Variants in CLIP1 observed in about 807,000 individuals in gnomAD.
The protein encoded by CLIP1 is CAP-Gly domain containing linker protein 1, also known as CAP-Gly domain-containing linker protein 1.
Under a neutral mutation model 161.6 loss-of-function variants are expected in CLIP1, and 66 were observed. That is an observed-to-expected ratio of 0.41 (90% CI 0.33 to 0.50). The LOEUF (loss-of-function observed/expected upper bound fraction) is 0.50. Ranked by LOEUF, CLIP1 falls within the 20% of genes least tolerant of loss-of-function variation. The pLI, the probability that CLIP1 is intolerant of heterozygous loss-of-function variation, is 0.27. For missense variants in CLIP1, 1,376 were observed against 1,702.0 expected (o/e 0.81, Z 3.37); for synonymous variants, 598 against 626.2 (o/e 0.96, Z 0.67).
At chr12:122,380,617 G>A (rs931316560) in intron 1 of CLIP1, 59 bp from the exon 2 acceptor site, 19 of 462,718 alleles carry the variant, frequency 4.1e-5, no homozygotes, top group Non-Finnish European at 6.5e-5. Flanking sequence ...AGGAACAACA[G>A]GTAGCTTTCA....
chr12:122,341,359 C>T lies in CLIP1; in HGVS notation c.1845G>A (p.Glu615=). 6.2e-7 allele frequency: 1 copy of T among 1,614,110 alleles called. No individual in the cohort carries two copies. Among genetic ancestry groups the T allele is most frequent in the Non-Finnish European group, 8.5e-7 (1 of 1,180,036 alleles). Residue 615 remains glutamate, a synonymous_variant, in exon 11 of 26, where the codon GAG becomes GAA. Transcript: ENST00000620786. ...TCCATAGAGCTATCACATCTGAGTTCTCTTTGTTGGCATGCTCCAGCTTGC... is the reference window on the plus strand; with the variant it reads ...TCCATAGAGCTATCACATCTGAGTTTTCTTTGTTGGCATGCTCCAGCTTGC... ...LKSKLEHANK[E]NSDVIALWKS...
chr12:122,335,680 G>A (rs1476404105), intron 12 of CLIP1, among the ~76,000 whole-genome samples: 2 of 151,850 alleles, frequency 1.3e-5, no homozygotes, highest in South Asian at 2.1e-4. Flanking sequence ...GGTAACAGGC[G>A]CCTGTAATCC....
At chr12:122,414,650 G>A (rs1275169013) in intron 1 of CLIP1, among the ~76,000 whole-genome samples, 1 of 151,906 alleles carries the variant, frequency 6.6e-6, no homozygotes, top group Admixed American at 6.6e-5. Flanking sequence ...ATTTTTAGAA[G>A]AGACGGGGTT....
rs147599536 is a variant in CLIP1, at chr12:122,374,717, G to A, written c.657+2672C>T. Among the ~76,000 whole-genome samples, 517 of 152,122 alleles carry A rather than the reference G, an allele frequency of 3.4e-3. 4 individuals carry two copies. Among genetic ancestry groups the A allele is most frequent in the African/African-American group, 0.012 (489 of 41,502 alleles). ...GCGGAGGTTACAGTGAGCCAAGATC[G>A]CGCCACTGCACTCTAGCCTGGGCAA... is the stretch of plus-strand genomic sequence containing the variant. On this transcript the variant is annotated intron_variant, in intron 3 of 25. Coordinates refer to ENST00000620786, the MANE Select transcript of CLIP1 (RefSeq NM_001247997.2).
chr12:122,327,124 A>G (rs1951737920), intron 17 of CLIP1, among the ~76,000 whole-genome samples: 1 of 152,134 alleles, frequency 6.6e-6, no homozygotes, highest in Non-Finnish European at 1.5e-5. Context: ...GGCAAGGTTG[A>G]ACTTCGTGAA....
intron 20 of CLIP1, among the ~76,000 whole-genome samples, chr12:122,298,888 G>C (rs1024971760): frequency 6.6e-5 from 10 of 151,934 alleles, no homozygotes; most frequent in African/African-American, 2.4e-4. Flanking sequence ...CCAGGAGACG[G>C]AGGTTGCAAT....
intron 1 of CLIP1, among the ~76,000 whole-genome samples, chr12:122,418,372 TAAAC>T (rs1372225551): frequency 2.0e-5 from 3 of 152,302 alleles, no homozygotes; most frequent in African/African-American, 7.2e-5. Context: ...TTTGCCATAA[TAAAC>T]AACACTGTCT....
intron 3 of CLIP1, among the ~76,000 whole-genome samples, chr12:122,368,126 C>T (rs566148194): frequency 1.3e-5 from 2 of 152,010 alleles, no homozygotes; most frequent in East Asian, 1.9e-4. Flanking sequence ...AAACTAGAAA[C>T]GCAAAAAAAA....
At chr12:122,319,147 C>T in intron 18 of CLIP1, 85 bp downstream of exon 18, 1 of 914,036 alleles carries the variant, frequency 1.1e-6, no homozygotes, top group Non-Finnish European at 1.8e-6. Context: ...ACTTCAAAAA[C>T]ATAAGCAATC....
At chr12:122,384,626 TGGCG>T (rs1955155202) in intron 1 of CLIP1, among the ~76,000 whole-genome samples, 1 of 151,920 alleles carries the variant, frequency 6.6e-6, no homozygotes, top group African/African-American at 2.4e-5. Flanking sequence ...CCGGGCATGG[TGGCG>T]GGCGCTTGTA....
intron 9 of CLIP1, 104 bp from the exon 10 acceptor site, chr12:122,347,583 G>C: frequency 1.2e-6 from 1 of 816,254 alleles, no homozygotes; most frequent in Non-Finnish European, 2.1e-6. Flanking sequence ...AGTACCTTCT[G>C]CCAAAGGGTG....
intron 20 of CLIP1, among the ~76,000 whole-genome samples, chr12:122,292,094 C>A (rs1218284343): frequency 1.3e-5 from 2 of 152,056 alleles, no homozygotes; most frequent in East Asian, 3.9e-4. Context: ...CAGGTTCAAG[C>A]AATTCTCGTG....
chr12:122,405,074 C>A (rs1354653076), intron 1 of CLIP1, among the ~76,000 whole-genome samples: 1 of 152,174 alleles, frequency 6.6e-6, no homozygotes, highest in East Asian at 1.9e-4. Context: ...TTCAAAAACA[C>A]ATGCCTTTCA....
intron 5 of CLIP1, chr12:122,356,108 T>TA (rs1953335829): frequency 6.6e-6 from 1 of 152,246 alleles, no homozygotes; most frequent in African/African-American, 2.4e-5. Context: ...TGAAATTACT[T>TA]AAACATACCA....
At chr12:122,300,283 A>C (rs1950633033) in intron 20 of CLIP1, among the ~76,000 whole-genome samples, 1 of 152,190 alleles carries the variant, frequency 6.6e-6, no homozygotes. Context: ...TAAAAGAAAA[A>C]AAAGACCATA....
At position 122,306,052 on chromosome 12, in the gene CLIP1, T is replaced by TA. The variant is rs544566972; in HGVS notation, c.3594+3709dup. Among the ~76,000 whole-genome samples the TA allele has an allele frequency of 2.1e-3, 265 of 127,706 alleles. 1 individual carries two copies. The highest frequency in any genetic ancestry group is 2.5e-3 in the South Asian group (10 of 4,016). The allele number at this position is 127,706 out of a possible 152,430, so 83.8% of individuals were successfully genotyped here. ...TTGGACTACAGAGTGAGACTCCATC[T>TA]AAAAAAAAAAAAAAAGCAAGCAGAA... On this transcript the variant is annotated intron_variant, in intron 20 of 25. Transcript: ENST00000620786.
chr12:122,279,052 G>C lies in CLIP1; in HGVS notation c.3741C>G (p.Ala1247=), dbSNP rs763164967. The C allele has an allele frequency of 6.2e-7, 1 of 1,612,484 alleles. No homozygotes were observed. The highest frequency in any genetic ancestry group is 8.5e-7 in the Non-Finnish European group (1 of 1,179,588). Residue 1247 remains alanine (A), a synonymous_variant, in exon 22 of 26, where the codon GCC becomes GCG. Transcript: ENST00000620786. The surrounding 1 kb of genome is among the most constrained non-coding windows in gnomAD (Gnocchi z 4.5). The stretch of plus-strand genomic sequence containing the variant: ...CCTCATTTCTCAGTTTCTCCAGCTC[G>C]GCATCCTTTTCTGTGAGTAAGGCAC... The part of the protein sequence containing the change: ...ITSALLTEKD[A]ELEKLRNEVT...
At chr12:122,388,272 C>A (rs867472512) in intron 1 of CLIP1, among the ~76,000 whole-genome samples, 1 of 150,984 alleles carries the variant, frequency 6.6e-6, no homozygotes, top group Admixed American at 6.6e-5. Flanking sequence ...CAGGCTGGAG[C>A]GCAGTGGCGC....
intron 1 of CLIP1, among the ~76,000 whole-genome samples, chr12:122,409,469 A>T (rs117692710): frequency 6.6e-6 from 1 of 152,216 alleles, no homozygotes; most frequent in East Asian, 1.9e-4. Flanking sequence ...TCACAAATCC[A>T]TAAGATAGTT....
Sources: gnomAD v4.1 joint callset for allele counts (sites outside exome capture counted in the v4.1 genomes callset) on GRCh38, gnomAD v4.1.1 for gene constraint, Gnocchi (gnomAD v3.1) non-coding constraint, MANE v1.5 for transcripts, NCBI Gene and HGNC (gene_info 2026-07-23, HGNC 2026-07-21) for gene names.